The following DRC11 variants were observed in gnomAD, a reference collection of about 807,000 sequenced individuals.
The protein encoded by DRC11 is IQ and AAA domain-containing protein 1.
the DRC11 span, among the ~76,000 whole-genome samples, chr2:236,365,466 G>A: frequency 4.7e-4 from 71 of 152,212 alleles, no homozygotes; most frequent in African/African-American, 1.7e-3. The surrounding 1 kb of genome is among the most constrained non-coding windows in gnomAD (Gnocchi z 7.4). Flanking sequence ...GGGGTGAGGA[G>A]CCAGCGGTCA....
chr2:236,331,395 C>A, the DRC11 span: 3 of 1,613,876 alleles, frequency 1.9e-6, no homozygotes, highest in South Asian at 3.3e-5. This position sits in a 1 kb window ranked among gnomAD's most constrained non-coding sequence, Gnocchi z 4.8. Flanking sequence ...ACACTGGATT[C>A]ATGCTGGTTA....
chr2:236,357,337 AAT>A, the DRC11 span, among the ~76,000 whole-genome samples: 19,261 of 115,424 alleles, frequency 0.17, 1,896 homozygotes, highest in Non-Finnish European at 0.22. Flanking sequence ...TTCATATATG[AAT>A]ATATATATTA....
At chr2:236,419,228 T>G in the DRC11 span, 1 of 1,545,308 alleles carries the variant, frequency 6.5e-7, no homozygotes, top group Non-Finnish European at 8.7e-7. The surrounding 1 kb of genome is among the most constrained non-coding windows in gnomAD (Gnocchi z 4.8). Flanking sequence ...CTTCTTTTTG[T>G]TTTTTTCTTC....
chr2:236,410,578 G>A, the DRC11 span, among the ~76,000 whole-genome samples: 557 of 150,360 alleles, frequency 3.7e-3, 12 homozygotes, highest in Admixed American at 0.03. Flanking sequence ...AAAAGAGCCC[G>A]CATCGCCAAG....
At chr2:236,459,624 CATACGTATATACGTATATACGTATATAT>C in the DRC11 span, among the ~76,000 whole-genome samples, 3 of 82,650 alleles carry the variant, frequency 3.6e-5, no homozygotes, top group Non-Finnish European at 5.7e-5. Context: ...TAAGTATATA[CATACGTATATACGTATATACGTATATAT>C]GTATATACAT....
At chr2:236,466,419 T>C in the DRC11 span, among the ~76,000 whole-genome samples, 1 of 152,244 alleles carries the variant, frequency 6.6e-6, no homozygotes, top group Non-Finnish European at 1.5e-5. Context: ...GTTTACCCTT[T>C]GCATTAGTCC....
At chr2:236,439,800 C>A in the DRC11 span, among the ~76,000 whole-genome samples, 1 of 152,134 alleles carries the variant, frequency 6.6e-6, no homozygotes, top group South Asian at 2.1e-4. Context: ...TTTTTTCCAA[C>A]AGATTTAACC....
chr2:236,337,379 T>C, the DRC11 span, among the ~76,000 whole-genome samples: 30,283 of 152,026 alleles, frequency 0.2, 3,147 homozygotes, highest in African/African-American at 0.26. The surrounding 1 kb of genome is among the most constrained non-coding windows in gnomAD (Gnocchi z 4.9). Context: ...CCACACCACC[T>C]TCTTCTCTTC....
the DRC11 span, among the ~76,000 whole-genome samples, chr2:236,423,751 T>C: frequency 4.6e-5 from 7 of 152,196 alleles, no homozygotes; most frequent in Middle Eastern, 3.4e-3. Context: ...CACATGCACA[T>C]GTATGTTTAT....
chr2:236,426,630 A>C, the DRC11 span, among the ~76,000 whole-genome samples: 2 of 152,146 alleles, frequency 1.3e-5, no homozygotes, highest in African/African-American at 4.8e-5. This position sits in a 1 kb window ranked among gnomAD's most constrained non-coding sequence, Gnocchi z 4.1. Context: ...TCTTCTCGAA[A>C]ACCTGTGCTA....
At chr2:236,357,495 A>G in the DRC11 span, among the ~76,000 whole-genome samples, 1 of 127,418 alleles carries the variant, frequency 7.8e-6, no homozygotes, top group African/African-American at 3.1e-5. Flanking sequence ...TATTATAAAT[A>G]CATATTTACA....
chr2:236,406,111 G>C, the DRC11 span, among the ~76,000 whole-genome samples: 1 of 152,218 alleles, frequency 6.6e-6, no homozygotes, highest in South Asian at 2.1e-4. This position sits in a 1 kb window ranked among gnomAD's most constrained non-coding sequence, Gnocchi z 4.7. Flanking sequence ...GCTACATGGA[G>C]AACGTTTCTA....
At chr2:236,340,714 T>C in the DRC11 span, among the ~76,000 whole-genome samples, 1 of 152,230 alleles carries the variant, frequency 6.6e-6, no homozygotes. Flanking sequence ...GATGGCAGTG[T>C]GATCCCTGCC....
At chr2:236,475,223 T>C in the DRC11 span, among the ~76,000 whole-genome samples, 8 of 152,166 alleles carry the variant, frequency 5.3e-5, no homozygotes, top group Admixed American at 5.2e-4. The surrounding 1 kb of genome is among the most constrained non-coding windows in gnomAD (Gnocchi z 4.8). Flanking sequence ...AGTGAGAATA[T>C]GTGATTTTTG....
chr2:236,367,715 T>A, the DRC11 span: 1 of 173,770 alleles, frequency 5.8e-6, no homozygotes, highest in African/African-American at 2.4e-5. The surrounding 1 kb of genome is among the most constrained non-coding windows in gnomAD (Gnocchi z 4.8). Flanking sequence ...AAAGTCACAA[T>A]TGAACCTCAT....
At chr2:236,326,548 T>C in the DRC11 span, among the ~76,000 whole-genome samples, 1 of 152,166 alleles carries the variant, frequency 6.6e-6, no homozygotes, top group South Asian at 2.1e-4. Flanking sequence ...TTTCTAAGCT[T>C]TCTTTCTTTT....
chr2:236,470,308 G>A, the DRC11 span, among the ~76,000 whole-genome samples: 1 of 152,148 alleles, frequency 6.6e-6, no homozygotes, highest in African/African-American at 2.4e-5. The surrounding 1 kb of genome is among the most constrained non-coding windows in gnomAD (Gnocchi z 5.1). Context: ...TGTGCTCTTC[G>A]TGGCGCTTTG....
chr2:236,459,613 A>G, the DRC11 span, among the ~76,000 whole-genome samples: 1 of 140,456 alleles, frequency 7.1e-6, no homozygotes, highest in Non-Finnish European at 1.5e-5. Flanking sequence ...ATATACGTAT[A>G]TAAGTATATA....
the DRC11 span, among the ~76,000 whole-genome samples, chr2:236,459,689 A>ATG: frequency 7.7e-6 from 1 of 129,088 alleles, no homozygotes; most frequent in Non-Finnish European, 1.7e-5. Flanking sequence ...ATGTATATAC[A>ATG]TATATACATA....
Sources: gnomAD v4.1 joint callset for allele counts (sites outside exome capture counted in the v4.1 genomes callset) on GRCh38, gnomAD v4.1.1 for gene constraint, Gnocchi (gnomAD v3.1) non-coding constraint, MANE v1.5 for transcripts, NCBI Gene and HGNC (gene_info 2026-07-23, HGNC 2026-07-21) for gene names.